Variants in ITPKC observed in about 807,000 individuals in gnomAD.
ITPKC encodes IP3 3-kinase C.
Under a neutral mutation model 67.1 loss-of-function variants are expected in ITPKC, and 33 were observed. That is an observed-to-expected ratio of 0.49 (90% CI 0.37 to 0.66). The LOEUF is 0.66. Ranked by LOEUF, ITPKC falls within the 30% of genes least tolerant of loss-of-function variation. The pLI is 0.00. For missense variants in ITPKC, 820 were observed against 892.1 expected (o/e 0.92, Z 1.03); for synonymous variants, 341 against 359.8 (o/e 0.95, Z 0.59).
chr19:40,720,383 A>G (rs2082216193), intron 1 of ITPKC, among the ~76,000 whole-genome samples: 1 of 151,908 alleles, frequency 6.6e-6, no homozygotes, highest in Non-Finnish European at 1.5e-5. Flanking sequence ...AAAAAAACAA[A>G]AACAACAGAT....
At chr19:40,728,952 C>T (rs553685785) in intron 2 of ITPKC, among the ~76,000 whole-genome samples, 60 of 152,128 alleles carry the variant, frequency 3.9e-4, no homozygotes, top group Non-Finnish European at 6.5e-4. Context: ...TGCTTGAACC[C>T]GGGAGGCGGA....
intron 4 of ITPKC, among the ~76,000 whole-genome samples, chr19:40,736,379 T>G (rs2082294399): frequency 6.6e-6 from 1 of 151,938 alleles, no homozygotes; most frequent in Non-Finnish European, 1.5e-5. Flanking sequence ...ACCAGGAGGT[T>G]CAAGGTTGGA....
chr19:40,720,109 T>G (rs1429432867), intron 1 of ITPKC, among the ~76,000 whole-genome samples: 1 of 152,116 alleles, frequency 6.6e-6, no homozygotes, highest in Non-Finnish European at 1.5e-5. Flanking sequence ...CCCAAGCCTG[T>G]AATCCCAGCA....
chr19:40,727,191 G>A (rs919487069), intron 2 of ITPKC, among the ~76,000 whole-genome samples: 5 of 151,842 alleles, frequency 3.3e-5, no homozygotes, highest in Non-Finnish European at 7.4e-5. Flanking sequence ...AAAATTAGCC[G>A]GGCATGGTGG....
At chr19:40,729,131 A>G (rs1027444508) in intron 2 of ITPKC, 71 bp from the exon 3 acceptor site, 10 of 1,242,876 alleles carry the variant, frequency 8.0e-6, no homozygotes, top group Admixed American at 1.7e-5. Context: ...ATCTGATGCA[A>G]ACAGGCAGCT....
chr19:40,721,552 A>G (rs1218293022), intron 1 of ITPKC, among the ~76,000 whole-genome samples: 1 of 151,468 alleles, frequency 6.6e-6, no homozygotes, highest in African/African-American at 2.4e-5. Flanking sequence ...TTTTTTTAGT[A>G]GAGAGTGGGT....
intron 4 of ITPKC, among the ~76,000 whole-genome samples, 155 bp downstream of exon 4, chr19:40,733,519 A>T (rs993739993): frequency 1.3e-5 from 2 of 152,054 alleles, no homozygotes; most frequent in Admixed American, 6.5e-5. Flanking sequence ...CTCCATACCC[A>T]TCAGAGCCCA....
intron 1 of ITPKC, 99 bp downstream of exon 1, chr19:40,718,389 C>CACCGAGATCTA: frequency 7.0e-7 from 1 of 1,418,678 alleles, no homozygotes; most frequent in Non-Finnish European, 9.2e-7. Flanking sequence ...TGTTAGTTGC[C>CACCGAGATCTA]CACCAGCAAT....
intron 2 of ITPKC, among the ~76,000 whole-genome samples, chr19:40,726,467 C>T (rs2082247060): frequency 1.3e-5 from 2 of 152,210 alleles, no homozygotes; most frequent in African/African-American, 4.8e-5. Context: ...CCTATGGTCT[C>T]TGTCGCAACT....
At position 40,718,136 on chromosome 19, in the gene ITPKC, CT is replaced by C. The variant is rs1377555595; in HGVS notation, c.1002del (p.Glu335ArgfsTer58). On this transcript the variant is annotated frameshift_variant, in exon 1 of 7. Transcript: ENST00000263370. LOFTEE classifies it high-confidence loss of function. ...CCTGTGCCCCGCCTCATCATTACCC[CT>C]GAGACCCCTGAGCCTGAGGCCCAGC... is the stretch of plus-strand genomic sequence containing the variant. Reference protein sequence around the residue: ...LCPVPRLIITPETPEPEAQPV... With the variant: ...LCPVPRLIITXETPEPEAQPV... The C allele has an allele frequency of 1.2e-6, 2 of 1,607,958 alleles. No individual in the cohort carries two copies. The highest frequency in any genetic ancestry group is 1.7e-6 in the Non-Finnish European group (2 of 1,177,908).
intron 3 of ITPKC, among the ~76,000 whole-genome samples, chr19:40,732,535 AAAAAAAAAAAAAG>A (rs986808021): frequency 7.7e-6 from 1 of 129,816 alleles, no homozygotes; most frequent in Admixed American, 7.2e-5. Flanking sequence ...AAAAAAAAAA[AAAAAAAAAAAAAG>A]ATTGTAACAA....
In ITPKC at chr19:40,739,528, A is replaced by C. The variant is rs150775554; in HGVS notation, c.2020A>C (p.Ile674Leu). ...DGYLWGLDNM[I>L]CLLQGLAQS The stretch of plus-strand genomic sequence containing the variant: ...CTACCTCTGGGGCCTGGACAACATG[A>C]TCTGCCTCCTGCAGGGGCTGGCACA... Residue 674 changes from isoleucine to leucine, a missense_variant, in exon 7 of 7, where the codon ATC (isoleucine) becomes CTC (leucine). Coordinates refer to ENST00000263370, the MANE Select transcript of ITPKC (RefSeq NM_025194.3). 2.5e-6 allele frequency: 4 copies of C among 1,613,512 alleles called. No individual in the cohort carries two copies. In the African/African-American group the frequency reaches 5.3e-5, roughly 22 times the overall value.
chr19:40,721,781 C>T (rs1276651902), intron 1 of ITPKC, among the ~76,000 whole-genome samples: 2 of 152,060 alleles, frequency 1.3e-5, no homozygotes, highest in African/African-American at 4.8e-5. Flanking sequence ...GGGAGGATTG[C>T]CTGAGCCCAG....
At position 40,725,399 on chromosome 19, in the gene ITPKC, C is replaced by T; in HGVS notation, c.1215C>T (p.Phe405=). The T allele has an allele frequency of 6.2e-7, 1 of 1,613,898 alleles. No homozygotes were observed. Among genetic ancestry groups the T allele is most frequent in the Non-Finnish European group, 8.5e-7 (1 of 1,179,708 alleles). The change falls in exon 2 of 7, where the codon TTC becomes TTT. Residue 405 remains phenylalanine (F), a synonymous_variant. Coordinates refer to ENST00000263370, the MANE Select transcript of ITPKC (RefSeq NM_025194.3). ...VLKYSPFVVS[F]RKHYPWVQLS... ...AGTATTCACCCTTTGTGGTCTCCTTCCGAAAACACTACCCTTGGGTCCAGC... is the reference window on the plus strand; with the variant it reads ...AGTATTCACCCTTTGTGGTCTCCTTTCGAAAACACTACCCTTGGGTCCAGC...
In ITPKC at chr19:40,737,064, G is replaced by A. The variant is rs2082297986; in HGVS notation, c.1753G>A (p.Val585Met). The stretch of plus-strand genomic sequence containing the variant: ...GGTGACAAAAGTGCTGGAGGACTTC[G>A]TGGATGGAGACCACGTCATCCTGGT... ...EQVTKVLEDF[V>M]DGDHVILQKY... Residue 585 changes from valine to methionine, a missense_variant, in exon 5 of 7, where the codon GTG becomes ATG. Val to Met is a conservative substitution (Grantham distance 21). Around this residue, in one of 2 missense-constraint regions of ITPKC, gnomAD observed 339 missense variants for 422.0 expected, o/e 0.80. Coordinates refer to ENST00000263370, the MANE Select transcript of ITPKC (RefSeq NM_025194.3). 5 of 1,583,654 alleles carry A rather than the reference G, an allele frequency of 3.2e-6. No individual in the cohort carries two copies. Among genetic ancestry groups the A allele is most frequent in the Non-Finnish European group, 4.3e-6 (5 of 1,162,730 alleles).
rs143485134 is a variant in ITPKC at position 40,737,046 on chromosome 19, A to G, written c.1735A>G (p.Lys579Glu). 74 of 1,591,874 alleles carry G rather than the reference A, an allele frequency of 4.6e-5. No homozygotes were observed. Among genetic ancestry groups the G allele is most frequent in the Non-Finnish European group, 6.1e-5 (71 of 1,167,598 alleles). The change falls in exon 5 of 7, where the codon AAA becomes GAA. Residue 579 changes from lysine to glutamate, a missense_variant. Transcript: ENST00000263370. ...KKTQALEQVT[K>E]VLEDFVDGDH... ...GACGCAGGCACTGGAGCAGGTGACA[A>G]AAGTGCTGGAGGACTTCGTGGATGG... is the stretch of plus-strand genomic sequence containing the variant.
intron 6 of ITPKC, among the ~76,000 whole-genome samples, chr19:40,738,604 C>G (rs1038718809): frequency 1.3e-5 from 2 of 151,750 alleles, no homozygotes; most frequent in Middle Eastern, 3.4e-3. Flanking sequence ...CTCAGCTACT[C>G]AGGAGGCTGA....
intron 1 of ITPKC, among the ~76,000 whole-genome samples, chr19:40,718,649 C>T (rs1285992928): frequency 6.6e-6 from 1 of 152,132 alleles, no homozygotes; most frequent in Non-Finnish European, 1.5e-5. Context: ...TCTGTCTAAT[C>T]CTCTGGAATC....
In ITPKC at chr19:40,718,257, C is replaced by A. The variant is rs1357868331; in HGVS notation, c.1122C>A (p.Gly374=). ...CTGAGGATGACGTGGTGGCCGGGGG[C>A]GGAGGTGCCAGCGATCCCGAGGACA... The part of the protein sequence containing the change: ...DESEDDVVAG[G]GGASDPEDRS... The change falls in exon 1 of 7, where the codon GGC becomes GGA. Residue 374 remains glycine (G), a synonymous_variant. Transcript: ENST00000263370. The A allele has an allele frequency of 2.6e-6, 4 of 1,520,294 alleles. No individual in the cohort carries two copies. The highest frequency in any genetic ancestry group is 3.5e-6 in the Non-Finnish European group (4 of 1,139,476). The allele number at this position is 1,520,294 out of a possible 1,614,324, so 94.2% of individuals were successfully genotyped here.
Sources: gnomAD v4.1 joint callset for allele counts (sites outside exome capture counted in the v4.1 genomes callset) on GRCh38, gnomAD v4.1.1 for gene constraint, gnomAD v4.1.1 regional missense constraint, MANE v1.5 for transcripts, NCBI Gene and HGNC (gene_info 2026-07-23, HGNC 2026-07-21) for gene names.